Variants in INPP4B observed in about 807,000 individuals in gnomAD.
The protein encoded by INPP4B is inositol polyphosphate-4-phosphatase type II B, also known as inositol polyphosphate 4-phosphatase type II.
In INPP4B, 55 loss-of-function variants were observed where a neutral mutation model predicts 122.5. The observed-to-expected ratio is 0.45, with a 90% CI of 0.36 to 0.56. The LOEUF (loss-of-function observed/expected upper bound fraction) is 0.56. Among genes scored for constraint, INPP4B ranks in the 20% least tolerant of loss-of-function variants. INPP4B has a pLI of 0.00. For missense variants in INPP4B, 1,000 were observed against 1,097.7 expected (o/e 0.91, Z 1.26); for synonymous variants, 403 against 388.7 (o/e 1.04, Z -0.43).
At chr4:142,630,205 C>T (rs987146013) in intron 2 of INPP4B, among the ~76,000 whole-genome samples, 2 of 152,068 alleles carry the variant, frequency 1.3e-5, no homozygotes, top group African/African-American at 2.4e-5. Flanking sequence ...AGATATATTC[C>T]TCAGTGTTTT....
intron 2 of INPP4B, among the ~76,000 whole-genome samples, chr4:142,558,977 G>A (rs1729872357): frequency 6.6e-6 from 1 of 151,948 alleles, no homozygotes; most frequent in Admixed American, 6.6e-5. Context: ...TAGACACAGA[G>A]TCCCACCCAT....
intron 9 of INPP4B, among the ~76,000 whole-genome samples, chr4:142,300,855 T>C (rs975626020): frequency 3.3e-5 from 5 of 152,272 alleles, no homozygotes; most frequent in African/African-American, 1.2e-4. Context: ...ATGAAAAGCA[T>C]AGTCCCTTCG....
chr4:142,579,137 C>G (rs1198759944), intron 2 of INPP4B, among the ~76,000 whole-genome samples: 1 of 151,940 alleles, frequency 6.6e-6, no homozygotes, highest in Admixed American at 6.6e-5. Context: ...TACTTTCATA[C>G]AGCCAACATT....
chr4:142,298,469 G>A (rs1365057647), intron 9 of INPP4B, among the ~76,000 whole-genome samples: 2 of 151,942 alleles, frequency 1.3e-5, no homozygotes, highest in Middle Eastern at 3.4e-3. Context: ...GGTAGATCAC[G>A]AGGTCAGGAG....
chr4:142,443,021 C>CT (rs995176051), intron 3 of INPP4B, among the ~76,000 whole-genome samples: 2 of 152,128 alleles, frequency 1.3e-5, no homozygotes, highest in African/African-American at 4.8e-5. Context: ...ATGGGGGAAA[C>CT]TGACCCCATG....
chr4:142,523,450 T>C (rs1175753776), intron 2 of INPP4B, among the ~76,000 whole-genome samples: 1 of 152,064 alleles, frequency 6.6e-6, no homozygotes, highest in Non-Finnish European at 1.5e-5. Flanking sequence ...CTTTACTTGC[T>C]TTCAGTTATA....
chr4:142,053,653 C>T (rs985740946), intron 25 of INPP4B, among the ~76,000 whole-genome samples: 6 of 152,020 alleles, frequency 3.9e-5, no homozygotes, highest in Non-Finnish European at 8.8e-5. Flanking sequence ...TCAATATTAA[C>T]CTGAATCTCC....
At chr4:142,352,343 C>T (rs796730888) in intron 7 of INPP4B, among the ~76,000 whole-genome samples, 11 of 152,040 alleles carry the variant, frequency 7.2e-5, no homozygotes, top group African/African-American at 2.6e-4. Flanking sequence ...AAAAATAATA[C>T]ATCAACTTTC....
At chr4:142,347,505 C>T (rs1420558063) in intron 7 of INPP4B, 1 of 441,900 alleles carries the variant, frequency 2.3e-6, no homozygotes, top group African/African-American at 2.0e-5. Context: ...GGTTTGAACA[C>T]TTGCCTCAGG....
intron 3 of INPP4B, among the ~76,000 whole-genome samples, chr4:142,456,470 G>A (rs748846263): frequency 6.6e-6 from 1 of 151,762 alleles, no homozygotes; most frequent in Non-Finnish European, 1.5e-5. Flanking sequence ...TCTCTATTCT[G>A]TTTCATTGGT....
intron 1 of INPP4B, among the ~76,000 whole-genome samples, chr4:142,783,270 C>G (rs1050155770): frequency 3.3e-5 from 5 of 152,010 alleles, no homozygotes; most frequent in Non-Finnish European, 5.9e-5. Context: ...ACTCATCTGA[C>G]AAAGGGCTAA....
intron 1 of INPP4B, among the ~76,000 whole-genome samples, chr4:142,806,548 C>A (rs1194432756): frequency 1.3e-5 from 2 of 151,404 alleles, no homozygotes; most frequent in Non-Finnish European, 2.9e-5. Flanking sequence ...TCAAGAGCAG[C>A]CGGGGACAAG....
rs546156996 is a variant in INPP4B at position 142,838,033 on chromosome 4, G to GTT, written c.-254+8174_-254+8175dup. Among the ~76,000 whole-genome samples the GTT allele has an allele frequency of 9.0e-3, 1,289 of 143,418 alleles. 16 individuals are homozygous for GTT. Among genetic ancestry groups the GTT allele is most frequent in the African/African-American group, 0.025 (1,014 of 39,858 alleles). The allele number at this position is 143,418 out of a possible 152,430, so 94.1% of individuals were successfully genotyped here. ...GTGCTTACAGCCATGGGAAAGTGGT[G>GTT]TTTTTTTTTTTTTAAGTATTTATTG... is the stretch of plus-strand genomic sequence containing the variant. On this transcript the variant is annotated intron_variant, in intron 1 of 25. Transcript: ENST00000262992.
intron 2 of INPP4B, among the ~76,000 whole-genome samples, chr4:142,483,632 G>A (rs1820858192): frequency 6.6e-6 from 1 of 152,028 alleles, no homozygotes; most frequent in Admixed American, 6.6e-5. Flanking sequence ...GAAATGATAT[G>A]ATTAGAGGAA....
intron 2 of INPP4B, among the ~76,000 whole-genome samples, chr4:142,688,877 C>T (rs12502920): frequency 0.025 from 3,843 of 152,282 alleles, 61 homozygotes; most frequent in Middle Eastern, 0.092. Context: ...TCTGGAGACT[C>T]TGCACTCAAT....
rs752047289 is a variant in INPP4B, at chr4:142,028,926, G to C, written c.2643-12C>G. 5.0e-6 allele frequency: 8 copies of C among 1,602,550 alleles called. No individual in the cohort carries two copies. Among genetic ancestry groups the C allele is most frequent in the Non-Finnish European group, 6.8e-6 (8 of 1,175,756 alleles). ...TGCGGCATCCTTCTCTGGTGAAAGG[G>C]GAAAAAGTACAACTTCATGAAACAC... On this transcript the variant is annotated splice_polypyrimidine_tract_variant and intron_variant, in intron 25 of 25. Coordinates refer to ENST00000262992, the MANE Select transcript of INPP4B (RefSeq NM_001101669.3).
At chr4:142,093,719 C>A (rs1487058159) in intron 23 of INPP4B, among the ~76,000 whole-genome samples, 1 of 152,050 alleles carries the variant, frequency 6.6e-6, no homozygotes, top group Admixed American at 6.6e-5. Flanking sequence ...AGACAAAACT[C>A]CACCAAAACC....
At chr4:142,587,187 G>A (rs1264723688) in intron 2 of INPP4B, among the ~76,000 whole-genome samples, 1 of 152,022 alleles carries the variant, frequency 6.6e-6, no homozygotes, top group Admixed American at 6.6e-5. Context: ...ATCCTGTAAT[G>A]GCCAGTGGGC....
chr4:142,322,345 C>T (rs966806802), intron 7 of INPP4B, among the ~76,000 whole-genome samples: 1 of 151,944 alleles, frequency 6.6e-6, no homozygotes. Context: ...GTACATTGAA[C>T]ATTTCTTCTT....
Sources: gnomAD v4.1 joint callset for allele counts (sites outside exome capture counted in the v4.1 genomes callset) on GRCh38, gnomAD v4.1.1 for gene constraint, MANE v1.5 for transcripts, NCBI Gene and HGNC (gene_info 2026-07-23, HGNC 2026-07-21) for gene names.